The following SNX29 variants were observed in gnomAD, a reference collection of about 807,000 sequenced individuals.
The protein encoded by SNX29 is sorting nexin-29.
SNX29 carries 78 observed loss-of-function variants against 102.1 expected under a neutral mutation model. The ratio of observed to expected loss-of-function variants is 0.76; its 90% CI spans 0.64 to 0.92. The LOEUF (loss-of-function observed/expected upper bound fraction) is 0.92, where lower values mean the gene tolerates loss of function less well. Among genes scored for constraint, SNX29 ranks in the 40% least tolerant of loss-of-function variants. The probability of loss-of-function intolerance (pLI) is 0.00; values close to 1 mark genes in which losing one functional copy is unlikely to be tolerated. For missense variants in SNX29, 1,280 were observed against 1,061.7 expected (o/e 1.21, Z -2.86); for synonymous variants, 580 against 414.5 (o/e 1.40, Z -4.85).
At chr16:12,305,575 T>C (rs1413430417) in intron 15 of SNX29, among the ~76,000 whole-genome samples, 1 of 152,216 alleles carries the variant, frequency 6.6e-6, no homozygotes, top group Non-Finnish European at 1.5e-5. Context: ...AAAATTTTGC[T>C]ATTTTGTTCT....
At chr16:12,470,889 G>A (rs144497558) in intron 18 of SNX29, among the ~76,000 whole-genome samples, 8 of 152,190 alleles carry the variant, frequency 5.3e-5, no homozygotes, top group Non-Finnish European at 1.2e-4. Flanking sequence ...AGGCATGGGC[G>A]AGGCACGACA....
intron 15 of SNX29, among the ~76,000 whole-genome samples, chr16:12,347,111 T>C (rs999206631): frequency 6.6e-6 from 1 of 152,190 alleles, no homozygotes; most frequent in Non-Finnish European, 1.5e-5. Flanking sequence ...TTCTGAGTGC[T>C]GAGGGGCTTG....
At chr16:12,500,562 A>C (rs1320448380) in intron 19 of SNX29, among the ~76,000 whole-genome samples, 3 of 152,278 alleles carry the variant, frequency 2.0e-5, no homozygotes, top group Non-Finnish European at 4.4e-5. Flanking sequence ...CAGGCTTTCC[A>C]GCCAAAATGT....
At chr16:12,419,038 C>T (rs913227559) in intron 18 of SNX29, among the ~76,000 whole-genome samples, 1 of 152,192 alleles carries the variant, frequency 6.6e-6, no homozygotes, top group African/African-American at 2.4e-5. Context: ...CAACATCCTA[C>T]AGTGCACAGG....
chr16:12,356,368 C>A, intron 16 of SNX29, 89 bp downstream of exon 16: 1 of 1,213,826 alleles, frequency 8.2e-7, no homozygotes, highest in Non-Finnish European at 1.2e-6. Context: ...AGCAAGCAAC[C>A]ATGCATCCAC....
intron 18 of SNX29, among the ~76,000 whole-genome samples, chr16:12,431,434 C>CTTCTTTTTTTTTTT (rs779738786): frequency 5.1e-5 from 7 of 136,948 alleles, no homozygotes; most frequent in Non-Finnish European, 7.9e-5. Context: ...TCTTCTTCTT[C>CTTCTTTTTTTTTTT]TTTTTTTTTT....
chr16:12,285,404 A>T (rs1487992396), intron 15 of SNX29, among the ~76,000 whole-genome samples: 1 of 152,108 alleles, frequency 6.6e-6, no homozygotes, highest in African/African-American at 2.4e-5. Context: ...AAATTATAAG[A>T]CACTTATCGT....
At chr16:12,108,174 C>T (rs1446632588) in intron 11 of SNX29, among the ~76,000 whole-genome samples, 1 of 152,192 alleles carries the variant, frequency 6.6e-6, no homozygotes, top group Non-Finnish European at 1.5e-5. Context: ...GAAGCCCTCC[C>T]AGTGGTAGAG....
intron 3 of SNX29, among the ~76,000 whole-genome samples, chr16:12,007,815 C>T (rs898329484): frequency 6.6e-6 from 1 of 152,252 alleles, no homozygotes; most frequent in South Asian, 2.1e-4. Context: ...TTGAAACCTC[C>T]CAGCTGCCTT....
chr16:12,162,452 A>G (rs558614154), intron 13 of SNX29, among the ~76,000 whole-genome samples: 2 of 152,380 alleles, frequency 1.3e-5, no homozygotes, highest in African/African-American at 2.4e-5. Flanking sequence ...TTTGCAGGCC[A>G]TATGGTCTCT....
chr16:12,288,468 A>G (rs1422574717), intron 15 of SNX29, among the ~76,000 whole-genome samples: 1 of 152,222 alleles, frequency 6.6e-6, no homozygotes, highest in Non-Finnish European at 1.5e-5. Flanking sequence ...GCTCTGCAGC[A>G]GCAGTCCCGG....
intron 19 of SNX29, among the ~76,000 whole-genome samples, chr16:12,515,863 G>A (rs970815792): frequency 2.6e-5 from 4 of 152,072 alleles, no homozygotes; most frequent in Non-Finnish European, 4.4e-5. Flanking sequence ...TAACCAGCCT[G>A]GGCGTAAATC....
At chr16:12,549,232 A>G (rs563777260) in intron 20 of SNX29, among the ~76,000 whole-genome samples, 5 of 152,344 alleles carry the variant, frequency 3.3e-5, no homozygotes, top group Admixed American at 1.3e-4. Flanking sequence ...ATGGTGGCTC[A>G]TCCCTGTAAT....
chr16:12,573,378 T>G lies in SNX29; in HGVS notation c.*4749T>G, dbSNP rs2079227666. On this transcript the variant is annotated 3_prime_UTR_variant, in exon 21 of 21. Transcript: ENST00000566228. ...TAAATCCCAGCAACCAAGTTGCGTATCCTTCCTTATAGCTAGTTTCTATAG... is the reference window on the plus strand; with the variant it reads ...TAAATCCCAGCAACCAAGTTGCGTAGCCTTCCTTATAGCTAGTTTCTATAG... The G allele has an allele frequency of 4.5e-6, 1 of 224,500 alleles. No homozygotes were observed. Among genetic ancestry groups the G allele is most frequent in the Non-Finnish European group, 8.9e-6 (1 of 112,660 alleles). The allele number at this position is 224,500 out of a possible 1,614,324, so 13.9% of individuals were successfully genotyped here. A position where few individuals can be genotyped will look rare whatever the true frequency, so the allele number is the denominator to read the frequency against.
intron 2 of SNX29, among the ~76,000 whole-genome samples, chr16:12,002,015 A>AT (rs67366263): frequency 0.5 from 74,270 of 147,306 alleles, 18,647 homozygotes; most frequent in East Asian, 0.68. Context: ...GAGAGACCCT[A>AT]TTTTTTTTTT....
In SNX29 at chr16:12,570,253, A is replaced by G. The variant is rs1182953738; in HGVS notation, c.*1624A>G. Reference sequence around the variant, plus strand: ...GCCCCGGTGAGACCAAATGAGCTGGAGCATGTATGGAGGTGCGGACCCTGC... The same window carrying G: ...GCCCCGGTGAGACCAAATGAGCTGGGGCATGTATGGAGGTGCGGACCCTGC... On this transcript the variant is annotated 3_prime_UTR_variant, in exon 21 of 21. Coordinates refer to ENST00000566228, the MANE Select transcript of SNX29 (RefSeq NM_032167.5). 15 of 1,065,040 alleles carry G rather than the reference A, an allele frequency of 1.4e-5. No individual in the cohort carries two copies. The highest frequency in any genetic ancestry group is 1.6e-5 in the Non-Finnish European group (14 of 879,214). The allele number at this position is 1,065,040 out of a possible 1,614,324, so 66.0% of individuals were successfully genotyped here. A position where few individuals can be genotyped will look rare whatever the true frequency, so the allele number is the denominator to read the frequency against.
intron 14 of SNX29, among the ~76,000 whole-genome samples, chr16:12,274,625 C>G (rs2079190141): frequency 6.6e-6 from 1 of 151,968 alleles, no homozygotes; most frequent in East Asian, 1.9e-4. Flanking sequence ...CAACCTCTGC[C>G]TCCGAGGCTC....
chr16:12,346,099 G>T (rs1042266528), intron 15 of SNX29, among the ~76,000 whole-genome samples: 4 of 151,666 alleles, frequency 2.6e-5, no homozygotes, highest in African/African-American at 7.3e-5. Context: ...AGCAGTAAAG[G>T]GGTGTGATCC....
chr16:12,516,007 G>A (rs193247080), intron 19 of SNX29, among the ~76,000 whole-genome samples: 78 of 152,264 alleles, frequency 5.1e-4, no homozygotes, highest in Non-Finnish European at 8.4e-4. Context: ...GGGGAGGGGA[G>A]GATGGCAGGG....
Sources: gnomAD v4.1 joint callset for allele counts (sites outside exome capture counted in the v4.1 genomes callset) on GRCh38, gnomAD v4.1.1 for gene constraint, MANE v1.5 for transcripts, NCBI Gene and HGNC (gene_info 2026-07-23, HGNC 2026-07-21) for gene names.